Variants in KAZN observed in about 807,000 individuals in gnomAD.
The protein encoded by KAZN is kazrin, periplakin interacting protein.
In KAZN, 40 loss-of-function variants were observed where a neutral mutation model predicts 87.4. That is an observed-to-expected ratio of 0.46 (90% CI 0.36 to 0.60). The LOEUF (loss-of-function observed/expected upper bound fraction) is 0.60. KAZN is among the 20% of genes least tolerant of loss of function. The pLI, the probability that KAZN is intolerant of heterozygous loss-of-function variation, is 0.00. For missense variants in KAZN, 898 were observed against 1,073.9 expected, an observed-to-expected ratio of 0.84 and a Z score of 2.29; for synonymous variants, 466 against 458.3, an observed-to-expected ratio of 1.02 and a Z score of -0.22.
chr1:13,972,826 C>G (rs149308043), intron 1 of KAZN, among the ~76,000 whole-genome samples: 1 of 152,210 alleles, frequency 6.6e-6, no homozygotes, highest in East Asian at 1.9e-4. Flanking sequence ...CAGTTAACAT[C>G]TGTAAAATTA....
chr1:13,975,094 A>G (rs1638260319), intron 1 of KAZN, among the ~76,000 whole-genome samples: 1 of 152,164 alleles, frequency 6.6e-6, no homozygotes, highest in African/African-American at 2.4e-5. Context: ...ATAAGAACAG[A>G]TGGGGACTCT....
In KAZN at chr1:14,890,015, T is replaced by C. The variant is rs185840671; in HGVS notation, c.227-70669T>C. 2.0e-5 allele frequency among the ~76,000 whole-genome samples: 3 copies of C among 152,224 alleles called. No individual in the cohort carries two copies. The East Asian group carries it at 5.8e-4, about 29-fold the overall frequency. ...TTGAAGAGTTACAATGGGCTTTTTA[T>C]GTCGTCAACCTGCAGAACACAGGAA... On this transcript the variant is annotated intron_variant, in intron 1 of 14. Transcript: ENST00000376030.
At chr1:14,959,860 A>G (rs12068879) in intron 1 of KAZN, among the ~76,000 whole-genome samples, 26,398 of 152,022 alleles carry the variant, frequency 0.17, 6,997 homozygotes, top group African/African-American at 0.57. Context: ...CACGGCTCTC[A>G]CTTTGGGAGG....
At chr1:14,954,746 G>A (rs1223290450) in intron 1 of KAZN, among the ~76,000 whole-genome samples, 1 of 152,228 alleles carries the variant, frequency 6.6e-6, no homozygotes, top group African/African-American at 2.4e-5. Context: ...CATAAGGTCA[G>A]GAGATTGAGA....
At chr1:14,269,813 G>A (rs1349142211) in intron 2 of KAZN, among the ~76,000 whole-genome samples, 1 of 152,156 alleles carries the variant, frequency 6.6e-6, no homozygotes, top group Non-Finnish European at 1.5e-5. Context: ...TTCTACATGT[G>A]TACTTTAGGA....
At position 15,056,310 on chromosome 1, in the gene KAZN, C is replaced by T. The variant is rs368209064; in HGVS notation, c.916+30C>T. ...GTCCTGCCCTGGCCTGGCTCCACCA[C>T]GGCTTCGAGGGGCTTCACAGGAGGC... On this transcript the variant is annotated intron_variant, in intron 5 of 14. Coordinates refer to ENST00000376030, the MANE Select transcript of KAZN (RefSeq NM_201628.3). The surrounding 1 kb of genome is among the most constrained non-coding windows in gnomAD (Gnocchi z 5.4). The T allele has an allele frequency of 1.9e-5, 30 of 1,569,190 alleles. No homozygotes were observed. The highest frequency in any genetic ancestry group is 2.7e-5 in the African/African-American group (2 of 74,030).
At chr1:14,287,807 G>A (rs891021576) in intron 2 of KAZN, among the ~76,000 whole-genome samples, 12 of 152,280 alleles carry the variant, frequency 7.9e-5, no homozygotes, top group African/African-American at 2.9e-4. Context: ...TATGATATTG[G>A]CTGTGGGTTT....
chr1:14,218,015 A>G (rs1283248387), intron 2 of KAZN, among the ~76,000 whole-genome samples: 1 of 152,158 alleles, frequency 6.6e-6, no homozygotes, highest in Non-Finnish European at 1.5e-5. Flanking sequence ...TTTTCTGAGG[A>G]ATTTAGTGAG....
intron 2 of KAZN, among the ~76,000 whole-genome samples, chr1:14,244,841 A>G (rs1649342609): frequency 6.6e-6 from 1 of 152,172 alleles, no homozygotes; most frequent in Admixed American, 6.5e-5. Flanking sequence ...CAGATTGTGT[A>G]GGGCCTTGTT....
chr1:14,229,421 A>T (rs1218617776), intron 2 of KAZN, among the ~76,000 whole-genome samples: 2 of 152,238 alleles, frequency 1.3e-5, no homozygotes, highest in Admixed American at 6.5e-5. Context: ...ATTTTAAAAA[A>T]GTCTGAATAT....
chr1:14,828,943 G>A (rs759845511), intron 1 of KAZN, among the ~76,000 whole-genome samples: 13 of 152,306 alleles, frequency 8.5e-5, no homozygotes, highest in Non-Finnish European at 1.2e-4. Flanking sequence ...GAGATCTCCC[G>A]AGAGACTTCT....
intron 5 of KAZN, among the ~76,000 whole-genome samples, chr1:15,059,926 C>T (rs111520906): frequency 0.011 from 1,656 of 152,244 alleles, 26 homozygotes; most frequent in South Asian, 0.043. Context: ...GTCTTCTCCT[C>T]GTTCACGCTG....
Position 14,923,797 on chromosome 1 carries a change from C to G in KAZN, c.227-36887C>G, listed in dbSNP as rs927508220. 6.6e-6 allele frequency among the ~76,000 whole-genome samples: 1 copy of G among 152,212 alleles called. No individual in the cohort carries two copies. Among genetic ancestry groups the G allele is most frequent in the Non-Finnish European group, 1.5e-5 (1 of 68,032 alleles). On this transcript the variant is annotated intron_variant, in intron 1 of 14. Transcript: ENST00000376030. This position sits in a 1 kb window ranked among gnomAD's most constrained non-coding sequence, Gnocchi z 4.2. ...CAGCTGTGGGGACCTCGGCTCTCGG[C>G]AAGGCTGTCACAGGGTGTCAGGAGA...
rs74460649 is a variant in KAZN, at chr1:14,827,547, C to G, written c.227-133137C>G. ...AGGGGCAGGGATTTTATTTGCCTCC[C>G]CCTGCACACTAGGCTGACAGACAGT... On this transcript the variant is annotated intron_variant, in intron 1 of 14. Coordinates refer to ENST00000376030, the MANE Select transcript of KAZN (RefSeq NM_201628.3). Among the ~76,000 whole-genome samples, 807 of 152,274 alleles carry G rather than the reference C, an allele frequency of 5.3e-3. 7 individuals are homozygous for G. The highest frequency in any genetic ancestry group is 0.019 in the African/African-American group (773 of 41,550).
intron 8 of KAZN, among the ~76,000 whole-genome samples, chr1:15,091,033 T>C (rs1365007476): frequency 6.6e-6 from 1 of 152,118 alleles, no homozygotes; most frequent in African/African-American, 2.4e-5. Context: ...TTCTAGGCTT[T>C]TTTCTACATA....
At chr1:14,867,274 C>CGAGAGTGGG (rs373325595) in intron 1 of KAZN, among the ~76,000 whole-genome samples, 1 of 152,200 alleles carries the variant, frequency 6.6e-6, no homozygotes, top group South Asian at 2.1e-4. Context: ...GTGAGATCTG[C>CGAGAGTGGG]GAGAGTGGGG....
chr1:14,287,650 C>CT, intron 2 of KAZN, among the ~76,000 whole-genome samples: 1 of 152,280 alleles, frequency 6.6e-6, no homozygotes, highest in South Asian at 2.1e-4. Context: ...ACTTCCTCCT[C>CT]TCCTAATTGA....
At chr1:14,397,551 C>A (rs961004417) in intron 2 of KAZN, among the ~76,000 whole-genome samples, 1 of 152,134 alleles carries the variant, frequency 6.6e-6, no homozygotes, top group Non-Finnish European at 1.5e-5. Context: ...GCAACTCACT[C>A]TGACCAATAG....
chr1:14,056,401 A>G (rs577783247), intron 1 of KAZN, among the ~76,000 whole-genome samples: 1 of 152,326 alleles, frequency 6.6e-6, no homozygotes, highest in South Asian at 2.1e-4. Flanking sequence ...TGTGGACCAC[A>G]GGGCAAAGAG....
Sources: allele counts gnomAD v4.1 joint callset (sites outside exome capture counted in the v4.1 genomes callset), GRCh38; gene constraint gnomAD v4.1.1; non-coding constraint Gnocchi (gnomAD v3.1); transcripts MANE v1.5; gene names NCBI Gene and HGNC (gene_info 2026-07-23, HGNC 2026-07-21).